LONP1: variants seen among roughly 807,000 people sequenced by gnomAD.
LONP1 encodes lon protease homolog, mitochondrial.
Under a neutral mutation model 98.5 loss-of-function variants are expected in LONP1, and 31 were observed. The ratio of observed to expected loss-of-function variants is 0.31; its 90% CI spans 0.24 to 0.42. LONP1 has a LOEUF of 0.42. LONP1 is among the 20% of genes least tolerant of loss of function. LONP1 has a pLI of 1.00. For synonymous variants in LONP1, 781 were observed against 594.7 expected (o/e 1.31, Z -4.56); for missense variants, 1,336 against 1,350.6 (o/e 0.99, Z 0.17).
chr19:5,695,296 C>A (rs1443022304), intron 13 of LONP1, among the ~76,000 whole-genome samples: 1 of 152,096 alleles, frequency 6.6e-6, no homozygotes, highest in Non-Finnish European at 1.5e-5. Flanking sequence ...ACCCACAGCC[C>A]CACACAATTC....
chr19:5,718,961 T>TG (rs2075792865), intron 1 of LONP1, among the ~76,000 whole-genome samples: 1 of 152,210 alleles, frequency 6.6e-6, no homozygotes, highest in Non-Finnish European at 1.5e-5. Context: ...CTAAGCCTCC[T>TG]GTCCCATCCA....
chr19:5,699,317 G>A, intron 9 of LONP1, 112 bp from the exon 10 acceptor site: 4 of 848,536 alleles, frequency 4.7e-6, no homozygotes, highest in South Asian at 2.5e-5. Flanking sequence ...TGCGAGAAGG[G>A]ACCAGGATTG....
rs1332476597 is a variant in LONP1 at position 5,692,112 on chromosome 19, G to A, written c.2800C>T (p.His934Tyr). 4 of 1,614,188 alleles carry A rather than the reference G, an allele frequency of 2.5e-6. No individual in the cohort carries two copies. Among genetic ancestry groups the A allele is most frequent in the Admixed American group, 3.3e-5 (2 of 60,026 alleles). ...ATCTCCCGGTAGTGTTCCACGAAGT[G>A]CACCTCCAGGCCCTCGGTGATGAAG... ...AAFITEGLEV[H>Y]FVEHYREIFD... Residue 934 changes from histidine to tyrosine, a missense_variant, in exon 18 of 18, where the codon CAC becomes TAC. Coordinates refer to ENST00000360614, the MANE Select transcript of LONP1 (RefSeq NM_004793.4).
At chr19:5,701,729 T>C (rs1245877885) in intron 8 of LONP1, among the ~76,000 whole-genome samples, 5 of 152,094 alleles carry the variant, frequency 3.3e-5, no homozygotes, top group Admixed American at 1.3e-4. Context: ...AGTGCCGAGA[T>C]TGCAGCCTCT....
chr19:5,708,470 G>C (rs1307302777), intron 4 of LONP1, 67 bp from the exon 5 acceptor site: 1 of 974,018 alleles, frequency 1.0e-6, no homozygotes, highest in Non-Finnish European at 1.5e-6. Flanking sequence ...CTGGGTGGGA[G>C]CATGGCCCTG....
chr19:5,718,017 C>T (rs1258941792), intron 1 of LONP1, among the ~76,000 whole-genome samples: 1 of 151,678 alleles, frequency 6.6e-6, no homozygotes, highest in Non-Finnish European at 1.5e-5. Context: ...GCCCACATGG[C>T]CTCATTTAAA....
rs147468253 is a variant in LONP1, at chr19:5,696,742, G to A, written c.1701C>T (p.Gly567=). ...EIKGHRRTYV[G]AMPGKIIQCL... is the part of the protein sequence containing the mutation. The stretch of plus-strand genomic sequence containing the variant: ...ACTGGATGATCTTCCCGGGCATGGC[G>A]CCCACGTAGGTCCGCCTGTGGGTGC... Residue 567 remains glycine (G), a synonymous_variant, in exon 11 of 18, where the codon GGC becomes GGT. Coordinates refer to ENST00000360614, the MANE Select transcript of LONP1 (RefSeq NM_004793.4). 3.0e-5 allele frequency: 49 copies of A among 1,613,038 alleles called. No individual in the cohort carries two copies. The highest frequency in any genetic ancestry group is 2.7e-4 in the African/African-American group (20 of 75,054).
chr19:5,713,885 A>T (rs2055274698), intron 2 of LONP1, among the ~76,000 whole-genome samples: 1 of 152,120 alleles, frequency 6.6e-6, no homozygotes, highest in African/African-American at 2.4e-5. Context: ...TTCTACATGG[A>T]GCCACATCTC....
At chr19:5,699,361 G>T (rs768931980) in intron 9 of LONP1, among the ~76,000 whole-genome samples, 156 bp from the exon 10 acceptor site, 1 of 152,186 alleles carries the variant, frequency 6.6e-6, no homozygotes, top group African/African-American at 2.4e-5. Context: ...GCTGCCACTG[G>T]CCACGGGGAG....
chr19:5,703,070 A>G (rs141999505), intron 8 of LONP1, among the ~76,000 whole-genome samples: 2,731 of 151,242 alleles, frequency 0.018, 45 homozygotes, highest in East Asian at 0.036. Flanking sequence ...AGTTCCAGCT[A>G]CTCGGGAGGC....
chr19:5,705,505 C>T (rs972213100), intron 8 of LONP1, among the ~76,000 whole-genome samples: 1 of 151,974 alleles, frequency 6.6e-6, no homozygotes, highest in Non-Finnish European at 1.5e-5. Flanking sequence ...CCAGGCGTCC[C>T]TGGGCTCAAA....
chr19:5,693,918 G>A (rs998610750), intron 15 of LONP1, 149 bp from the exon 16 acceptor site: 5 of 693,458 alleles, frequency 7.2e-6, no homozygotes, highest in Admixed American at 2.4e-5. Context: ...GTGAGCCAAC[G>A]CTGGCCTCTA....
chr19:5,708,505 A>AAGTATGGGGCAGGGTCGCTGGGGCCCAGC, intron 4 of LONP1, 102 bp from the exon 5 acceptor site: 1 of 892,936 alleles, frequency 1.1e-6, no homozygotes. Context: ...CAGCTCCATC[A>AAGTATGGGGCAGGGTCGCTGGGGCCCAGC]ACTCCCTCCC....
In LONP1 at chr19:5,691,985, G is replaced by GCCCAGACAGGGCCTGACATCCAGTTCTGT; in HGVS notation, c.*46_*47insACAGAACTGGATGTCAGGCCCTGTCTGGG. 2 of 1,585,234 alleles carry GCCCAGACAGGGCCTGACATCCAGTTCTGT rather than the reference G, an allele frequency of 1.3e-6. No individual in the cohort carries two copies. Among genetic ancestry groups the GCCCAGACAGGGCCTGACATCCAGTTCTGT allele is most frequent in the Non-Finnish European group, 1.7e-6 (2 of 1,164,912 alleles). On this transcript the variant is annotated 3_prime_UTR_variant, in exon 18 of 18. Transcript: ENST00000360614. ...GCGCTCCCCACAGCGCTCAGTTCTGGCCCAGACAGGGCCTGACATCCGCCG... is the reference window on the plus strand; with the variant it reads ...GCGCTCCCCACAGCGCTCAGTTCTGGCCCAGACAGGGCCTGACATCCAGTTCTGTCCCAGACAGGGCCTGACATCCGCCG...
At chr19:5,696,460 C>T in intron 11 of LONP1, 89 bp from the exon 12 acceptor site, 1 of 1,528,890 alleles carries the variant, frequency 6.5e-7, no homozygotes, top group Non-Finnish European at 8.9e-7. Flanking sequence ...GCTGGGGAGA[C>T]CCCGAGTGAG....
chr19:5,693,516 TGGGCGGGAGC>T (rs2054869239), intron 16 of LONP1, 26 bp downstream of exon 16: 1 of 1,612,730 alleles, frequency 6.2e-7, no homozygotes, highest in Non-Finnish European at 8.5e-7. Context: ...GCCCAGGGAC[TGGGCGGGAGC>T]AGGTGGGAGC....
chr19:5,719,247 G>T (rs1046365862), intron 1 of LONP1, among the ~76,000 whole-genome samples: 1 of 152,088 alleles, frequency 6.6e-6, no homozygotes, highest in African/African-American at 2.4e-5. Context: ...CCAGAACCTA[G>T]AACACTCTCT....
Position 5,692,120 on chromosome 19 carries a change from A to G in LONP1, c.2792T>C (p.Leu931Pro), listed in dbSNP as rs1270908564. Residue 931 changes from leucine to proline, a missense_variant, in exon 18 of 18, where the codon CTG becomes CCG. This residue lies in a region of LONP1 where 555 missense variants were observed against 542.6 expected (regional missense o/e 1.02). Coordinates refer to ENST00000360614, the MANE Select transcript of LONP1 (RefSeq NM_004793.4). ...GTAGTGTTCCACGAAGTGCACCTCCAGGCCCTCGGTGATGAAGGCTGCCAG... is the reference window on the plus strand; with the variant it reads ...GTAGTGTTCCACGAAGTGCACCTCCGGGCCCTCGGTGATGAAGGCTGCCAG... ...YDLAAFITEG[L>P]EVHFVEHYRE... The G allele has an allele frequency of 1.3e-5, 21 of 1,606,312 alleles. No homozygotes were observed. Among genetic ancestry groups the G allele is most frequent in the Non-Finnish European group, 1.7e-5 (20 of 1,175,142 alleles).
At chr19:5,699,943 AAATT>A (rs891208556) in intron 9 of LONP1, among the ~76,000 whole-genome samples, 8 of 151,726 alleles carry the variant, frequency 5.3e-5, no homozygotes, top group African/African-American at 1.2e-4. Context: ...AATTAATTTA[AAATT>A]AATTAATTTT....
Sources: gnomAD v4.1 joint callset for allele counts (sites outside exome capture counted in the v4.1 genomes callset) on GRCh38, gnomAD v4.1.1 for gene constraint, gnomAD v4.1.1 regional missense constraint, MANE v1.5 for transcripts, NCBI Gene and HGNC (gene_info 2026-07-23, HGNC 2026-07-21) for gene names.